Variants in RHOJ observed in about 807,000 individuals in gnomAD.
RHOJ encodes the protein rho-related GTP-binding protein RhoJ.
Under a neutral mutation model 23.4 loss-of-function variants are expected in RHOJ, and 11 were observed. That is an observed-to-expected ratio of 0.47 (90% confidence interval 0.30 to 0.78). The LOEUF is 0.78. Ranked by LOEUF, RHOJ falls within the 30% of genes least tolerant of loss-of-function variation. The probability of loss-of-function intolerance (pLI) is 0.08; values close to 1 mark genes in which losing one functional copy is unlikely to be tolerated. For missense variants in RHOJ, 254 were observed against 273.4 expected (o/e 0.93, Z 0.50); for synonymous variants, 102 against 102.7 (o/e 0.99, Z 0.04).
At chr14:63,289,619 C>T (rs997452650) in intron 4 of RHOJ, among the ~76,000 whole-genome samples, 3 of 152,132 alleles carry the variant, frequency 2.0e-5, no homozygotes, top group Non-Finnish European at 2.9e-5. Context: ...CAAATAAAAC[C>T]GCAGGTCTCC....
Position 63,291,581 on chromosome 14 carries a change from A to G in RHOJ, c.*557A>G, listed in dbSNP as rs1209460188. On this transcript the variant is annotated 3_prime_UTR_variant, in exon 5 of 5. Coordinates refer to ENST00000316754, the MANE Select transcript of RHOJ (RefSeq NM_020663.5). ...TTAGCCTAAAGACAAGGCATTTTAT[A>G]TTCATTTCTATTTTCAGCATGTTTC... 6.3e-6 allele frequency: 1 copy of G among 159,064 alleles called. No individual in the cohort carries two copies. The highest frequency in any genetic ancestry group is 2.4e-5 in the African/African-American group (1 of 41,454). 9.9% of individuals were successfully genotyped at this position (159,064 alleles called of 1,614,324 possible).
In RHOJ at chr14:63,290,674, A is replaced by G. The variant is rs139410813; in HGVS notation, c.499-204A>G. ...TATTGCAAATAAAGGAAAGTAAAAA[A>G]TACAAAAATACAAAAAAAAAAAAAT... On this transcript the variant is annotated intron_variant, in intron 4 of 4. Transcript: ENST00000316754. Among the ~76,000 whole-genome samples, 387 of 146,130 alleles carry G rather than the reference A, an allele frequency of 2.6e-3. 5 individuals are homozygous for G. In the East Asian group the frequency reaches 0.034, roughly 13 times the overall value.
intron 1 of RHOJ, among the ~76,000 whole-genome samples, chr14:63,249,032 T>C (rs1228537074): frequency 6.6e-6 from 1 of 152,222 alleles, no homozygotes; most frequent in Non-Finnish European, 1.5e-5. Flanking sequence ...ATCAATGTGA[T>C]CAAGGACATG....
At chr14:63,287,805 A>G (rs939303797) in intron 4 of RHOJ, among the ~76,000 whole-genome samples, 1 of 152,198 alleles carries the variant, frequency 6.6e-6, no homozygotes, top group African/African-American at 2.4e-5. Context: ...CTAAACAAGG[A>G]GGCTTGAATC....
intron 1 of RHOJ, among the ~76,000 whole-genome samples, chr14:63,243,366 C>CT (rs1894918368): frequency 6.6e-6 from 1 of 151,982 alleles, no homozygotes; most frequent in Non-Finnish European, 1.5e-5. Flanking sequence ...TTGAGATAGA[C>CT]TCTTGCTCTG....
chr14:63,290,475 T>C (rs752970210), intron 4 of RHOJ, among the ~76,000 whole-genome samples: 4 of 152,112 alleles, frequency 2.6e-5, no homozygotes, highest in Non-Finnish European at 4.4e-5. Flanking sequence ...AATGAGAGGA[T>C]ATGAAAAACA....
intron 2 of RHOJ, among the ~76,000 whole-genome samples, chr14:63,269,714 ACT>A (rs1227706712): frequency 6.6e-6 from 1 of 152,032 alleles, no homozygotes; most frequent in Non-Finnish European, 1.5e-5. Context: ...CTGGAGGTTG[ACT>A]CTAACTTCCC....
intron 1 of RHOJ, among the ~76,000 whole-genome samples, chr14:63,208,627 C>A (rs554130366): frequency 5.1e-4 from 77 of 152,142 alleles, no homozygotes; most frequent in Non-Finnish European, 9.1e-4. Flanking sequence ...AACAGCAAAT[C>A]TTTCTCCATC....
chr14:63,259,175 TG>T (rs1370558676), intron 1 of RHOJ, among the ~76,000 whole-genome samples: 1 of 152,132 alleles, frequency 6.6e-6, no homozygotes, highest in African/African-American at 2.4e-5. Context: ...CCTGACCTCA[TG>T]ATCCACCCTC....
At chr14:63,229,651 T>C (rs531828367) in intron 1 of RHOJ, among the ~76,000 whole-genome samples, 1 of 152,312 alleles carries the variant, frequency 6.6e-6, no homozygotes, top group South Asian at 2.1e-4. Flanking sequence ...AGCACTGCCT[T>C]CACAACAGAT....
intron 2 of RHOJ, among the ~76,000 whole-genome samples, chr14:63,270,639 A>T (rs1895451711): frequency 6.6e-6 from 1 of 152,238 alleles, no homozygotes; most frequent in African/African-American, 2.4e-5. Flanking sequence ...GCCTGCTCTA[A>T]TTCACTCACA....
intron 1 of RHOJ, among the ~76,000 whole-genome samples, chr14:63,224,786 G>T (rs1894559022): frequency 6.6e-6 from 1 of 151,962 alleles, no homozygotes; most frequent in African/African-American, 2.4e-5. Flanking sequence ...TCTGACTTTG[G>T]AAGTTAATGC....
chr14:63,277,949 G>A (rs1405964343), intron 2 of RHOJ, among the ~76,000 whole-genome samples: 2 of 129,992 alleles, frequency 1.5e-5, no homozygotes, highest in Admixed American at 1.4e-4. Flanking sequence ...TTTCTCCACT[G>A]CCTCACCAGC....
intron 1 of RHOJ, among the ~76,000 whole-genome samples, chr14:63,229,065 C>T (rs1894644760): frequency 6.6e-6 from 1 of 152,222 alleles, no homozygotes; most frequent in African/African-American, 2.4e-5. Context: ...CTCTAAGCAT[C>T]TGGCATGGTG....
Position 63,257,625 on chromosome 14 carries a change from C to G in RHOJ, c.179-11485C>G, listed in dbSNP as rs182286197. On this transcript the variant is annotated intron_variant, in intron 1 of 4. Coordinates refer to ENST00000316754, the MANE Select transcript of RHOJ (RefSeq NM_020663.5). The stretch of plus-strand genomic sequence containing the variant: ...ATTCAGGTTACAGTAGCCCACGGCT[C>G]CCTACATCCTCCTTCCTTCCTCACC... Among the ~76,000 whole-genome samples the G allele has an allele frequency of 1.1e-4, 17 of 149,930 alleles. 1 individual carries two copies. The highest frequency in any genetic ancestry group is 3.7e-4 in the African/African-American group (15 of 40,764).
intron 1 of RHOJ, among the ~76,000 whole-genome samples, chr14:63,241,865 G>A (rs1452677501): frequency 6.6e-6 from 1 of 152,184 alleles, no homozygotes; most frequent in Non-Finnish European, 1.5e-5. Flanking sequence ...ACCCTCAAGT[G>A]AATTAAAAGT....
intron 4 of RHOJ, among the ~76,000 whole-genome samples, chr14:63,290,354 A>G (rs1380814969): frequency 2.0e-5 from 3 of 152,208 alleles, no homozygotes; most frequent in Non-Finnish European, 4.4e-5. Flanking sequence ...CTATAAAACC[A>G]TATCATTCAC....
chr14:63,235,352 A>G (rs1894770338), intron 1 of RHOJ, among the ~76,000 whole-genome samples: 1 of 152,234 alleles, frequency 6.6e-6, no homozygotes, highest in Admixed American at 6.5e-5. Flanking sequence ...AATTAAGGAC[A>G]TTTTAATATG....
chr14:63,256,821 C>A (rs1895174521), intron 1 of RHOJ, among the ~76,000 whole-genome samples: 2 of 152,128 alleles, frequency 1.3e-5, no homozygotes, highest in South Asian at 2.1e-4. Flanking sequence ...CGCCTGTAGT[C>A]CCAAAACTTT....
Sources: allele counts gnomAD v4.1 joint callset (sites outside exome capture counted in the v4.1 genomes callset), GRCh38; gene constraint gnomAD v4.1.1; transcripts MANE v1.5; gene names NCBI Gene and HGNC (gene_info 2026-07-23, HGNC 2026-07-21).